TBC1D22A: variants seen among roughly 807,000 people sequenced by gnomAD.
The protein encoded by TBC1D22A is putative GTPase activator.
TBC1D22A carries 38 observed loss-of-function variants against 60.2 expected under a neutral mutation model. That is an observed-to-expected ratio of 0.63 (90% CI 0.49 to 0.83). The LOEUF is 0.83. Among genes scored for constraint, TBC1D22A ranks in the 40% least tolerant of loss-of-function variants. The pLI is 0.00. For synonymous variants in TBC1D22A, 302 were observed against 281.7 expected (o/e 1.07, Z -0.72); for missense variants, 628 against 701.0 (o/e 0.90, Z 1.18).
chr22:47,047,549 G>T (rs2063070800), intron 11 of TBC1D22A, among the ~76,000 whole-genome samples: 1 of 152,244 alleles, frequency 6.6e-6, no homozygotes, highest in Non-Finnish European at 1.5e-5. Flanking sequence ...GACCCAGAGA[G>T]GAGTAGTCCT....
intron 7 of TBC1D22A, 39 bp downstream of exon 7, chr22:46,894,885 A>G (rs1338658164): frequency 1.7e-5 from 28 of 1,609,504 alleles, no homozygotes; most frequent in African/African-American, 2.7e-5. Flanking sequence ...CCTCGTTGGG[A>G]GTGGCTGATG....
At chr22:46,963,179 C>T (rs996884790) in intron 8 of TBC1D22A, among the ~76,000 whole-genome samples, 14 of 149,662 alleles carry the variant, frequency 9.4e-5, no homozygotes, top group South Asian at 4.2e-4. Context: ...CAAGAAGGAG[C>T]GCCACCGCAC....
chr22:46,769,089 G>A (rs1455777495), intron 1 of TBC1D22A, among the ~76,000 whole-genome samples: 11 of 90,892 alleles, frequency 1.2e-4, no homozygotes, highest in Non-Finnish European at 2.0e-4. Flanking sequence ...GCAAGACTCT[G>A]TCTCAAAAAA....
At position 46,920,380 on chromosome 22, in the gene TBC1D22A, A is replaced by G. The variant is rs189568568; in HGVS notation, c.1015+8192A>G. Among the ~76,000 whole-genome samples, 134 of 141,892 alleles carry G rather than the reference A, an allele frequency of 9.4e-4. 1 individual carries two copies. The highest frequency in any genetic ancestry group is 4.1e-3 in the African/African-American group (130 of 31,784). 93.1% of individuals were successfully genotyped at this position (141,892 alleles called of 152,430 possible). A position where few individuals can be genotyped will look rare whatever the true frequency, so the allele number is the denominator to read the frequency against. On this transcript the variant is annotated intron_variant, in intron 8 of 12. Coordinates refer to ENST00000337137, the MANE Select transcript of TBC1D22A (RefSeq NM_014346.5). ...AGGCACGAGCCACTGTGCCTAGCTC[A>G]AAGCTGGGTATTCTCCCATTCTAAT...
At chr22:46,955,547 T>C (rs532857906) in intron 8 of TBC1D22A, among the ~76,000 whole-genome samples, 2 of 152,364 alleles carry the variant, frequency 1.3e-5, no homozygotes, top group South Asian at 2.1e-4. Flanking sequence ...ATGAGCCATT[T>C]CTTATGTTCG....
At chr22:47,161,951 G>T (rs1399073287) in intron 12 of TBC1D22A, among the ~76,000 whole-genome samples, 1 of 152,246 alleles carries the variant, frequency 6.6e-6, no homozygotes, top group Admixed American at 6.5e-5. Flanking sequence ...TGGCACCGCT[G>T]AGCGCCTTTG....
chr22:47,152,780 C>T lies in TBC1D22A; in HGVS notation c.1426-20718C>T, dbSNP rs983661020. Among the ~76,000 whole-genome samples the T allele has an allele frequency of 6.6e-5, 10 of 152,170 alleles. No homozygotes were observed. In the East Asian group the frequency reaches 7.7e-4, roughly 12 times the overall value. ...GGCCTCTGAGAGAGAAAGCATCGGC[C>T]GTGGCGGCAGAGCAGAGGAGGGACG... On this transcript the variant is annotated intron_variant, in intron 12 of 12. Transcript: ENST00000337137.
At chr22:47,007,549 A>G (rs753299096) in intron 10 of TBC1D22A, among the ~76,000 whole-genome samples, 1 of 152,288 alleles carries the variant, frequency 6.6e-6, no homozygotes, top group African/African-American at 2.4e-5. Flanking sequence ...TTACTTTATC[A>G]TGGTTTTGGA....
intron 7 of TBC1D22A, among the ~76,000 whole-genome samples, chr22:46,904,136 T>TA (rs59122211): frequency 1.4e-4 from 17 of 120,210 alleles, no homozygotes; most frequent in Admixed American, 1.3e-3. Flanking sequence ...TCTATCTATC[T>TA]ATCTATCTAC....
chr22:47,111,999 G>A (rs2065866098), intron 12 of TBC1D22A, among the ~76,000 whole-genome samples: 1 of 152,208 alleles, frequency 6.6e-6, no homozygotes, highest in Non-Finnish European at 1.5e-5. Context: ...CACACAGCCT[G>A]GGGTGCCTTC....
intron 11 of TBC1D22A, among the ~76,000 whole-genome samples, chr22:47,091,595 G>C (rs903252642): frequency 9.9e-5 from 15 of 151,500 alleles, no homozygotes; most frequent in Non-Finnish European, 1.8e-4. Flanking sequence ...AGACAGGCAC[G>C]ATAAGTCGTC....
intron 11 of TBC1D22A, among the ~76,000 whole-genome samples, chr22:47,048,244 C>A (rs1026825097): frequency 1.3e-5 from 2 of 152,094 alleles, no homozygotes; most frequent in South Asian, 4.1e-4. Flanking sequence ...TTTCACAGTG[C>A]GGTAAGGCTC....
intron 1 of TBC1D22A, among the ~76,000 whole-genome samples, chr22:46,775,151 C>G (rs1156942086): frequency 6.6e-6 from 1 of 152,220 alleles, no homozygotes; most frequent in Non-Finnish European, 1.5e-5. Flanking sequence ...AGGACCCGGT[C>G]TTGGAAAGGG....
At chr22:47,092,405 A>G (rs2065012370) in intron 11 of TBC1D22A, among the ~76,000 whole-genome samples, 1 of 152,166 alleles carries the variant, frequency 6.6e-6, no homozygotes, top group African/African-American at 2.4e-5. Context: ...TGGCGGAAGA[A>G]GGCACTTCCC....
chr22:47,113,443 G>A (rs1214608191), intron 12 of TBC1D22A, among the ~76,000 whole-genome samples: 1 of 152,070 alleles, frequency 6.6e-6, no homozygotes, highest in Non-Finnish European at 1.5e-5. Context: ...GAGAGGACTC[G>A]GGGTGTGCCT....
chr22:46,894,732 A>G, intron 6 of TBC1D22A, 52 bp from the exon 7 acceptor site: 2 of 1,599,036 alleles, frequency 1.3e-6, no homozygotes, highest in Non-Finnish European at 1.7e-6. Context: ...TATCGCTCGT[A>G]ATGATGTTTG....
chr22:47,134,889 G>A (rs955071394), intron 12 of TBC1D22A, among the ~76,000 whole-genome samples: 1 of 152,160 alleles, frequency 6.6e-6, no homozygotes, highest in African/African-American at 2.4e-5. Context: ...CCACAGGGGA[G>A]GCTGATACAG....
At chr22:46,767,423 T>A (rs801634) in intron 1 of TBC1D22A, among the ~76,000 whole-genome samples, 101,090 of 152,026 alleles carry the variant, frequency 0.66, 33,652 homozygotes, top group Middle Eastern at 0.82. Context: ...GGACCAGTTT[T>A]GAGAATTTGA....
intron 7 of TBC1D22A, among the ~76,000 whole-genome samples, chr22:46,900,552 TC>T (rs2068935399): frequency 6.6e-6 from 1 of 152,206 alleles, no homozygotes; most frequent in Non-Finnish European, 1.5e-5. Context: ...CAGTCTCCTC[TC>T]CCCACCCTTG....
Sources: gnomAD v4.1 joint callset for allele counts (sites outside exome capture counted in the v4.1 genomes callset) on GRCh38, gnomAD v4.1.1 for gene constraint, MANE v1.5 for transcripts, NCBI Gene and HGNC (gene_info 2026-07-23, HGNC 2026-07-21) for gene names.